PTPRA: variants seen among roughly 807,000 people sequenced by gnomAD.
PTPRA encodes the protein protein tyrosine phosphatase receptor type A, also known as receptor-type tyrosine-protein phosphatase alpha.
Under a neutral mutation model 104.8 loss-of-function variants are expected in PTPRA, and 25 were observed. That is an observed-to-expected ratio of 0.24 (90% CI 0.17 to 0.33). The LOEUF is 0.33. Among genes scored for constraint, PTPRA ranks in the 10% least tolerant of loss-of-function variants. The pLI is 1.00. For synonymous variants in PTPRA, 323 were observed against 368.9 expected (o/e 0.88, Z 1.43); for missense variants, 765 against 1,015.3 (o/e 0.75, Z 3.35).
intron 1 of PTPRA, among the ~76,000 whole-genome samples, chr20:2,880,145 G>A (rs2089968073): frequency 6.6e-6 from 1 of 152,194 alleles, no homozygotes; most frequent in Non-Finnish European, 1.5e-5. Context: ...TTAAGCAGGA[G>A]AGTGAACTGA....
rs370714490 is a variant in PTPRA, at chr20:2,987,132, G to A, written c.527+283G>A. Among the ~76,000 whole-genome samples, 11 of 152,176 alleles carry A rather than the reference G, an allele frequency of 7.2e-5. No homozygotes were observed. In the East Asian group the frequency reaches 1.5e-3, roughly 21 times the overall value. On this transcript the variant is annotated intron_variant, in intron 7 of 23. Coordinates refer to ENST00000399903, the MANE Select transcript of PTPRA (RefSeq NM_001385305.1). ...CCAGAATGGTAGTTTGGAGGTTGAG[G>A]TAAGAAACCGCAGTTTGTTATTAGT... is the stretch of plus-strand genomic sequence containing the variant.
intron 20 of PTPRA, among the ~76,000 whole-genome samples, chr20:3,029,606 G>A (rs1056102338): frequency 1.5e-4 from 21 of 135,772 alleles, no homozygotes; most frequent in Admixed American, 3.2e-4. Context: ...GCACAATATG[G>A]GCTCATTGCA....
intron 14 of PTPRA, 123 bp downstream of exon 14, chr20:3,021,551 C>A: frequency 1.5e-6 from 2 of 1,352,824 alleles, no homozygotes; most frequent in Non-Finnish European, 2.0e-6. Context: ...AATTCTGAAA[C>A]CAGATATCCG....
intron 9 of PTPRA, among the ~76,000 whole-genome samples, chr20:2,993,518 A>T (rs1393203750): frequency 6.6e-6 from 1 of 152,216 alleles, no homozygotes; most frequent in African/African-American, 2.4e-5. Context: ...TGCTCTTGCC[A>T]TGAGCAAGAA....
At chr20:2,959,443 G>A (rs956226007) in intron 3 of PTPRA, among the ~76,000 whole-genome samples, 5 of 151,962 alleles carry the variant, frequency 3.3e-5, no homozygotes, top group African/African-American at 1.2e-4. Flanking sequence ...CGTTTTTCTC[G>A]TCTGTAAATT....
At chr20:2,876,338 C>T (rs1392606106) in intron 1 of PTPRA, among the ~76,000 whole-genome samples, 1 of 152,208 alleles carries the variant, frequency 6.6e-6, no homozygotes, top group East Asian at 1.9e-4. Context: ...TCCTGTCTCC[C>T]TAACCTCCTC....
intron 1 of PTPRA, among the ~76,000 whole-genome samples, chr20:2,910,321 A>G (rs1222064502): frequency 7.7e-6 from 1 of 130,716 alleles, no homozygotes; most frequent in East Asian, 2.0e-4. Flanking sequence ...ATTATAATAT[A>G]TATTTTATAT....
At position 2,889,625 on chromosome 20, in the gene PTPRA, C is replaced by A. The variant is rs759857222; in HGVS notation, c.-129+15865C>A. Among the ~76,000 whole-genome samples the A allele has an allele frequency of 5.9e-5, 9 of 152,118 alleles. No individual in the cohort carries two copies. In the South Asian group the frequency reaches 6.2e-4, roughly 11 times the overall value. On this transcript the variant is annotated intron_variant, in intron 1 of 23. Transcript: ENST00000399903. ...CCATACCTCATTTTATTGCTCATGT[C>A]TTTTCTTTCTGGGATTGTGATGCCA...
At chr20:2,985,884 CTTGTTTGTTTGTTTGT>C (rs71195807) in intron 6 of PTPRA, among the ~76,000 whole-genome samples, 30 of 148,758 alleles carry the variant, frequency 2.0e-4, no homozygotes, top group Admixed American at 4.0e-4. Context: ...CAGCTGTCTC[CTTGTTTGTTTGTTTGT>C]TTGTTTGTTT....
intron 9 of PTPRA, among the ~76,000 whole-genome samples, chr20:3,004,658 A>G (rs1265615839): frequency 1.3e-5 from 2 of 152,184 alleles, no homozygotes; most frequent in Non-Finnish European, 2.9e-5. Flanking sequence ...TCTGAGATGC[A>G]TGTCATCTTT....
At chr20:2,941,694 C>A (rs2060926691) in intron 2 of PTPRA, among the ~76,000 whole-genome samples, 1 of 152,208 alleles carries the variant, frequency 6.6e-6, no homozygotes. Flanking sequence ...AGCTTCCTGG[C>A]ACCTGCTCCC....
chr20:2,910,642 T>C (rs1231489167), intron 1 of PTPRA, among the ~76,000 whole-genome samples: 3 of 134,116 alleles, frequency 2.2e-5, no homozygotes, highest in Non-Finnish European at 4.7e-5. Flanking sequence ...GGAGTCTCGC[T>C]GTCACCCAGG....
chr20:2,988,014 T>C lies in PTPRA; in HGVS notation c.528-18T>C, dbSNP rs1555809171. 7.8e-6 allele frequency: 12 copies of C among 1,536,892 alleles called. No individual in the cohort carries two copies. The South Asian group carries it at 1.1e-4, about 14-fold the overall frequency. ...CACCTCTGTGCTCCATTCTTCACTG[T>C]GATCATTTTCTCATTAGGTTTAAGA... On this transcript the variant is annotated intron_variant, in intron 7 of 23. Coordinates refer to ENST00000399903, the MANE Select transcript of PTPRA (RefSeq NM_001385305.1).
chr20:2,939,742 C>A, intron 2 of PTPRA, among the ~76,000 whole-genome samples: 1 of 152,182 alleles, frequency 6.6e-6, no homozygotes, highest in East Asian at 1.9e-4. Context: ...GCCAATCTAC[C>A]TTCTTTTTTC....
At position 2,922,415 on chromosome 20, in the gene PTPRA, C is replaced by T. The variant is rs147317227; in HGVS notation, c.-128-792C>T. ...AGTACACTGTCACGATCTCGGCTCA[C>T]TGCAACCTCCCCCTCCTGGGTTCAA... On this transcript the variant is annotated intron_variant, in intron 1 of 23. Transcript: ENST00000399903. 1.2e-3 allele frequency among the ~76,000 whole-genome samples: 187 copies of T among 152,338 alleles called. 2 individuals are homozygous for T. The South Asian group carries it at 0.025, about 21-fold the overall frequency.
At chr20:2,900,794 T>C (rs1191291856) in intron 1 of PTPRA, among the ~76,000 whole-genome samples, 2 of 150,662 alleles carry the variant, frequency 1.3e-5, no homozygotes, top group Non-Finnish European at 3.0e-5. Flanking sequence ...GAGGCATAGG[T>C]TGCAGTGACC....
intron 6 of PTPRA, among the ~76,000 whole-genome samples, chr20:2,981,399 C>T (rs2062667673): frequency 6.6e-6 from 1 of 152,042 alleles, no homozygotes; most frequent in Admixed American, 6.5e-5. Flanking sequence ...ATTTCCCCCA[C>T]AAAGGCATTT....
chr20:3,007,335 G>C lies in PTPRA; in HGVS notation c.830-9G>C. The C allele has an allele frequency of 6.2e-7, 1 of 1,612,352 alleles. No homozygotes were observed. The highest frequency in any genetic ancestry group is 8.5e-7 in the Non-Finnish European group (1 of 1,178,564). ...GATTTTACTGAAATATTGTTGGTTT[G>C]TTTCCTAGATGACCACTCTAGAGTC... On this transcript the variant is annotated splice_polypyrimidine_tract_variant and intron_variant, in intron 10 of 23. Transcript: ENST00000399903.
intron 3 of PTPRA, among the ~76,000 whole-genome samples, chr20:2,952,545 A>T (rs983082395): frequency 6.6e-6 from 1 of 152,186 alleles, no homozygotes; most frequent in African/African-American, 2.4e-5. Flanking sequence ...TTTAAAAAAA[A>T]TTGTAGTTAA....
Sources: allele counts gnomAD v4.1 joint callset (sites outside exome capture counted in the v4.1 genomes callset), GRCh38; gene constraint gnomAD v4.1.1; transcripts MANE v1.5; gene names NCBI Gene and HGNC (gene_info 2026-07-23, HGNC 2026-07-21).